Variants in AGBL4 observed in about 807,000 individuals in gnomAD.
The protein encoded by AGBL4 is cytosolic carboxypeptidase 6.
AGBL4 carries 58 observed loss-of-function variants against 66.4 expected under a neutral mutation model. The ratio of observed to expected loss-of-function variants is 0.87; its 90% CI spans 0.71 to 1.09. The LOEUF is 1.09. Ranked by LOEUF, AGBL4 falls within the 50% of genes least tolerant of loss-of-function variation. AGBL4 has a pLI of 0.00. For missense variants in AGBL4, 579 were observed against 631.0 expected, an observed-to-expected ratio of 0.92 and a Z score of 0.88; for synonymous variants, 234 against 222.9, an observed-to-expected ratio of 1.05 and a Z score of -0.44.
At chr1:49,397,298 C>A (rs1189292525) in intron 3 of AGBL4, among the ~76,000 whole-genome samples, 1 of 151,994 alleles carries the variant, frequency 6.6e-6, no homozygotes, top group Admixed American at 6.6e-5. Flanking sequence ...CATCTGCCCA[C>A]AATGAAGATA....
chr1:48,525,199 G>A, the AGBL4 span, among the ~76,000 whole-genome samples: 1 of 152,152 alleles, frequency 6.6e-6, no homozygotes, highest in African/African-American at 2.4e-5. Context: ...CAAGAAAATG[G>A]AAAGTTGAAT....
At chr1:49,771,389 T>G (rs1189061120) in intron 2 of AGBL4, among the ~76,000 whole-genome samples, 1 of 152,122 alleles carries the variant, frequency 6.6e-6, no homozygotes, top group Non-Finnish European at 1.5e-5. Flanking sequence ...TTTCTTAAAT[T>G]TCATTAGACT....
chr1:49,635,744 A>G (rs909104504), intron 3 of AGBL4, among the ~76,000 whole-genome samples: 1 of 152,208 alleles, frequency 6.6e-6, no homozygotes, highest in South Asian at 2.1e-4. Context: ...AAACAAGTCA[A>G]GAGTTGGAGG....
chr1:49,166,637 A>G (rs1347755801), intron 4 of AGBL4, among the ~76,000 whole-genome samples: 2 of 152,190 alleles, frequency 1.3e-5, no homozygotes, highest in Admixed American at 1.3e-4. Context: ...CATAGGCAAT[A>G]CATCAGTCTA....
At chr1:49,182,045 A>T (rs1002251881) in intron 4 of AGBL4, among the ~76,000 whole-genome samples, 21 of 152,194 alleles carry the variant, frequency 1.4e-4, no homozygotes, top group African/African-American at 4.3e-4. Context: ...ACTGCTCCAG[A>T]TGGCTACAGT....
chr1:48,957,118 C>A (rs958621339), intron 5 of AGBL4, among the ~76,000 whole-genome samples: 1 of 152,034 alleles, frequency 6.6e-6, no homozygotes, highest in African/African-American at 2.4e-5. Context: ...GTAAACACTG[C>A]CCTGAAAATT....
chr1:49,303,986 T>A (rs1420427680), intron 3 of AGBL4, among the ~76,000 whole-genome samples: 1 of 152,210 alleles, frequency 6.6e-6, no homozygotes, highest in Non-Finnish European at 1.5e-5. Flanking sequence ...TTAGTTTAAT[T>A]AAACCCCACT....
intron 2 of AGBL4, among the ~76,000 whole-genome samples, chr1:49,714,582 A>ATT (rs1266260954): frequency 6.7e-4 from 100 of 148,864 alleles, no homozygotes; most frequent in African/African-American, 2.5e-3. Context: ...ATATATATAT[A>ATT]TATATATATA....
chr1:49,561,189 T>C (rs1348628175), intron 3 of AGBL4, among the ~76,000 whole-genome samples: 1 of 151,958 alleles, frequency 6.6e-6, no homozygotes, highest in Non-Finnish European at 1.5e-5. Context: ...ATAGAAACAA[T>C]AAAAAGTTAA....
intron 6 of AGBL4, among the ~76,000 whole-genome samples, chr1:48,808,556 C>T (rs188596066): frequency 6.6e-6 from 1 of 151,850 alleles, no homozygotes; most frequent in East Asian, 2.0e-4. Flanking sequence ...GCATATGAGC[C>T]AGCAGAGAAG....
chr1:48,688,767 C>T (rs1242180036), intron 6 of AGBL4, among the ~76,000 whole-genome samples: 1 of 151,658 alleles, frequency 6.6e-6, no homozygotes, highest in Non-Finnish European at 1.5e-5. Flanking sequence ...GTCAGAGAAA[C>T]TCCACAGATC....
Position 48,852,015 on chromosome 1 carries a change from C to CTT in AGBL4, c.634+15174_634+15175dup, listed in dbSNP as rs138826187. Among the ~76,000 whole-genome samples the CTT allele has an allele frequency of 3.7e-3, 263 of 71,922 alleles. 12 individuals carry two copies. The highest frequency in any genetic ancestry group is 1.0e-2 in the African/African-American group (198 of 19,828). The allele number at this position is 71,922 out of a possible 152,430, so 47.2% of individuals were successfully genotyped here. A position where few individuals can be genotyped will look rare whatever the true frequency, so the allele number is the denominator to read the frequency against. On this transcript the variant is annotated intron_variant, in intron 6 of 13. Coordinates refer to ENST00000371839, the MANE Select transcript of AGBL4 (RefSeq NM_032785.4). Reference sequence around the variant, plus strand: ...GGTTCTGGTATGTGCCAGATACGTACTTTTTTTTTTTTTTTTTTTTTTTTC... The same window carrying CTT: ...GGTTCTGGTATGTGCCAGATACGTACTTTTTTTTTTTTTTTTTTTTTTTTTTC...
At chr1:49,600,164 C>T (rs1024831575) in intron 3 of AGBL4, among the ~76,000 whole-genome samples, 3 of 151,990 alleles carry the variant, frequency 2.0e-5, no homozygotes, top group African/African-American at 7.3e-5. Flanking sequence ...CCTGAATATC[C>T]CTGTTAATAT....
At chr1:49,983,834 C>G (rs1436823090) in intron 1 of AGBL4, among the ~76,000 whole-genome samples, 1 of 152,224 alleles carries the variant, frequency 6.6e-6, no homozygotes, top group Non-Finnish European at 1.5e-5. Context: ...CTGTGACTCC[C>G]AGTCCCAATC....
chr1:49,845,306 C>G, intron 2 of AGBL4: 4 of 1,549,450 alleles, frequency 2.6e-6, no homozygotes, highest in Non-Finnish European at 3.6e-6. Flanking sequence ...CACCAGAGAA[C>G]TCACACAGGC....
chr1:49,568,901 T>G (rs1289567024), intron 3 of AGBL4, among the ~76,000 whole-genome samples: 1 of 152,020 alleles, frequency 6.6e-6, no homozygotes, highest in Non-Finnish European at 1.5e-5. Flanking sequence ...ACAAGAAAAT[T>G]TAGCATATCA....
intron 5 of AGBL4, among the ~76,000 whole-genome samples, chr1:48,991,382 A>G (rs909660666): frequency 6.6e-6 from 1 of 151,226 alleles, no homozygotes; most frequent in Admixed American, 6.6e-5. Context: ...TGTTTGTTTT[A>G]TTTCTCTTGC....
intron 3 of AGBL4, among the ~76,000 whole-genome samples, chr1:49,351,175 C>A (rs968266352): frequency 6.6e-6 from 1 of 152,268 alleles, no homozygotes; most frequent in South Asian, 2.1e-4. Context: ...GTTCATCCTG[C>A]CTGCTATCCA....
chr1:49,940,680 A>G (rs1469013443), intron 1 of AGBL4, among the ~76,000 whole-genome samples: 1 of 151,938 alleles, frequency 6.6e-6, no homozygotes, highest in Non-Finnish European at 1.5e-5. Context: ...GAAGGGGAAC[A>G]TCACACTCTG....
Sources: allele counts gnomAD v4.1 joint callset (sites outside exome capture counted in the v4.1 genomes callset), GRCh38; gene constraint gnomAD v4.1.1; transcripts MANE v1.5; gene names NCBI Gene and HGNC (gene_info 2026-07-23, HGNC 2026-07-21).